MORC2: variants seen among roughly 807,000 people sequenced by gnomAD.
MORC2 encodes the protein ATPase MORC2.
MORC2 carries 30 observed loss-of-function variants against 136.0 expected under a neutral mutation model. That is an observed-to-expected ratio of 0.22 (90% CI 0.17 to 0.30). MORC2 has a LOEUF of 0.30. MORC2 is among the 10% of genes least tolerant of loss of function. The pLI is 1.00. For synonymous variants in MORC2, 439 were observed against 487.0 expected, an observed-to-expected ratio of 0.90 and a Z score of 1.30; for missense variants, 922 against 1,333.1, an observed-to-expected ratio of 0.69 and a Z score of 4.80.
intron 3 of MORC2, among the ~76,000 whole-genome samples, chr22:30,955,376 G>C (rs538980681): frequency 1.3e-5 from 2 of 152,228 alleles, no homozygotes; most frequent in East Asian, 1.9e-4. Context: ...AGAGCCTTTT[G>C]AACAAAAGGC....
At chr22:30,939,249 C>T (rs974758406) in intron 12 of MORC2, among the ~76,000 whole-genome samples, 1 of 151,954 alleles carries the variant, frequency 6.6e-6, no homozygotes, top group Non-Finnish European at 1.5e-5. Context: ...AAAATAGGGT[C>T]GTATCACCAG....
rs1024076205 is a variant in MORC2, at chr22:30,933,455, C to A, written c.2380+11G>T. The A allele has an allele frequency of 1.9e-6, 3 of 1,613,572 alleles. No individual in the cohort carries two copies. The South Asian group carries it at 3.3e-5, about 18-fold the overall frequency. ...CCCGCCACAGGCTGCCAAGTCACTC[C>A]CCCAGCTCACCTTTCTGAGCTCTCT... On this transcript the variant is annotated intron_variant, in intron 21 of 25. Transcript: ENST00000397641.
In MORC2 at chr22:30,941,599, A is replaced by G; in HGVS notation, c.699-41T>C. ...ACAGAGAAGTGCTGTCACCTGCTCC[A>G]CAACAGGCCTGACCAAGGGCACAAC... is the stretch of plus-strand genomic sequence containing the variant. On this transcript the variant is annotated intron_variant, in intron 8 of 25. Coordinates refer to ENST00000397641, the MANE Select transcript of MORC2 (RefSeq NM_001303256.3). This position sits in a 1 kb window ranked among gnomAD's most constrained non-coding sequence, Gnocchi z 4.6. The G allele has an allele frequency of 6.3e-7, 1 of 1,598,756 alleles. No homozygotes were observed. Among genetic ancestry groups the G allele is most frequent in the Non-Finnish European group, 8.6e-7 (1 of 1,169,090 alleles).
intron 17 of MORC2, among the ~76,000 whole-genome samples, chr22:30,935,742 T>C (rs2040643106): frequency 6.6e-6 from 1 of 152,046 alleles, no homozygotes; most frequent in Non-Finnish European, 1.5e-5. Flanking sequence ...GGTTGTGTAC[T>C]AAATATGATA....
At chr22:30,944,643 C>G (rs2040790817) in intron 6 of MORC2, among the ~76,000 whole-genome samples, 1 of 152,124 alleles carries the variant, frequency 6.6e-6, no homozygotes, top group South Asian at 2.1e-4. Flanking sequence ...ACACTCTTCC[C>G]CTCCATACTT....
intron 3 of MORC2, among the ~76,000 whole-genome samples, chr22:30,955,411 G>A (rs986185430): frequency 5.3e-5 from 8 of 152,192 alleles, no homozygotes; most frequent in African/African-American, 1.9e-4. Flanking sequence ...CAGTACAGCT[G>A]ACTTTTAGCT....
Position 30,940,768 on chromosome 22 carries a change from T to C in MORC2, c.894A>G (p.Val298=), listed in dbSNP as rs562612569. 4.2e-4 allele frequency: 681 copies of C among 1,614,132 alleles called. 8 individuals are homozygous for C. In the South Asian group the frequency reaches 6.8e-3, roughly 16 times the overall value. The change falls in exon 10 of 26, where the codon GTA becomes GTG. Residue 298 remains valine (V), a synonymous_variant. Coordinates refer to ENST00000397641, the MANE Select transcript of MORC2 (RefSeq NM_001303256.3). ...CCAGAGTGGCATTACCAATCCTTGCTACGTGCTCTGCTTTCTTCACCTCCT... is the reference window on the plus strand; with the variant it reads ...CCAGAGTGGCATTACCAATCCTTGCCACGTGCTCTGCTTTCTTCACCTCCT... ...AEQEVKKAEH[V]ARIAEEKARE...
At chr22:30,958,739 T>C in intron 1 of MORC2, 45 bp from the exon 2 acceptor site, 1 of 1,416,156 alleles carries the variant, frequency 7.1e-7, no homozygotes, top group Non-Finnish European at 9.7e-7. Flanking sequence ...TTATTGAAGT[T>C]ATAATTCCTA....
chr22:30,968,097 G>A lies in MORC2; in HGVS notation c.-208C>T, dbSNP rs1420379396. On this transcript the variant is annotated 5_prime_UTR_variant, in exon 1 of 26. Transcript: ENST00000397641. Reference sequence around the variant, plus strand: ...AGTGTTTTTTTTTAATCTTCTCAATGATTTATGATGTAATATTTTGGAAGG... The same window carrying A: ...AGTGTTTTTTTTTAATCTTCTCAATAATTTATGATGTAATATTTTGGAAGG... The A allele has an allele frequency of 1.9e-6, 1 of 536,646 alleles. No homozygotes were observed. The highest frequency in any genetic ancestry group is 3.3e-6 in the Non-Finnish European group (1 of 301,122). 33.2% of individuals were successfully genotyped at this position (536,646 alleles called of 1,614,324 possible).
chr22:30,967,509 C>G, intron 1 of MORC2: 2 of 1,142,764 alleles, frequency 1.8e-6, no homozygotes, highest in Non-Finnish European at 2.2e-6. Flanking sequence ...TTTGGCGATC[C>G]AATAGAGCAG....
Position 30,937,500 on chromosome 22 carries a change from G to A in MORC2, c.1498+83C>T. 1 of 1,558,006 alleles carries A rather than the reference G, an allele frequency of 6.4e-7. No homozygotes were observed. Among genetic ancestry groups the A allele is most frequent in the Non-Finnish European group, 8.7e-7 (1 of 1,152,516 alleles). On this transcript the variant is annotated intron_variant, in intron 15 of 25. Transcript: ENST00000397641. The surrounding 1 kb of genome is among the most constrained non-coding windows in gnomAD (Gnocchi z 4.7). Reference sequence around the variant, plus strand: ...CTGTAAGTCCATGAATGTCAGTCAAGTTAGGAGGCTGGCAGGAAGATAGAG... The same window carrying A: ...CTGTAAGTCCATGAATGTCAGTCAAATTAGGAGGCTGGCAGGAAGATAGAG...
At position 30,967,878 on chromosome 22, in the gene MORC2, T is replaced by C; in HGVS notation, c.12A>G (p.Thr4=). MAF[T]NYSSLNRAQL... The stretch of plus-strand genomic sequence containing the variant: ...GAGCTCGATTCAGACTGCTGTAATT[T>C]GTGAAAGCCATGACTGCAATAAGGT... The change falls in exon 1 of 26, where the codon ACA becomes ACG. Residue 4 remains threonine (T), a synonymous_variant. Transcript: ENST00000397641. 2 of 1,550,950 alleles carry C rather than the reference T, an allele frequency of 1.3e-6. No individual in the cohort carries two copies. Among genetic ancestry groups the C allele is most frequent in the Non-Finnish European group, 8.7e-7 (1 of 1,146,864 alleles).
chr22:30,936,348 G>C lies in MORC2; in HGVS notation c.1737+163C>G, dbSNP rs548132255. Among the ~76,000 whole-genome samples the C allele has an allele frequency of 8.5e-5, 13 of 152,286 alleles. No individual in the cohort carries two copies. In the East Asian group the frequency reaches 2.3e-3, roughly 27 times the overall value. On this transcript the variant is annotated intron_variant, in intron 17 of 25. Coordinates refer to ENST00000397641, the MANE Select transcript of MORC2 (RefSeq NM_001303256.3). ...CTTAAAATAACACTGTTGGCAAATA[G>C]TACACGTGGACCTGGAGGTTGGGGT...
chr22:30,935,204 T>C lies in MORC2; in HGVS notation c.1813-43A>G, dbSNP rs747657939. ...GAGAGTGAGAACACTGATCCTAGCA[T>C]GAGACACCTGAGGAAAAGCCCTTCC... On this transcript the variant is annotated intron_variant, in intron 18 of 25. Transcript: ENST00000397641. 1.9e-6 allele frequency: 3 copies of C among 1,612,364 alleles called. No homozygotes were observed. The Admixed American group carries it at 5.0e-5, about 27-fold the overall frequency.
intron 1 of MORC2, among the ~76,000 whole-genome samples, chr22:30,963,617 C>T (rs947877379): frequency 2.6e-5 from 4 of 151,738 alleles, no homozygotes; most frequent in Non-Finnish European, 5.9e-5. Context: ...AACTCCTGGC[C>T]TCAAGTGATC....
intron 3 of MORC2, among the ~76,000 whole-genome samples, chr22:30,952,470 T>C (rs996348305): frequency 2.6e-5 from 4 of 152,252 alleles, no homozygotes; most frequent in Non-Finnish European, 5.9e-5. Context: ...GTGGGGCTGG[T>C]ATCCTTTTCT....
At position 30,946,322 on chromosome 22, in the gene MORC2, C is replaced by A; in HGVS notation, c.426+19G>T. The A allele has an allele frequency of 6.3e-7, 1 of 1,588,112 alleles. No homozygotes were observed. Among genetic ancestry groups the A allele is most frequent in the Non-Finnish European group, 8.6e-7 (1 of 1,162,382 alleles). ...AGGAAATGAGGACTGGTGATGCAGACCACGATGATGGGACCTACTTCATCA... is the reference window on the plus strand; with the variant it reads ...AGGAAATGAGGACTGGTGATGCAGAACACGATGATGGGACCTACTTCATCA... On this transcript the variant is annotated intron_variant, in intron 6 of 25. Transcript: ENST00000397641.
Position 30,932,534 on chromosome 22 carries a change from G to A in MORC2, c.2747+11C>T. ...CTGGCCCTGGGGTGGGAAGACAAAA[G>A]ACACATGTACCGGAGGATCTGGACA... On this transcript the variant is annotated intron_variant, in intron 23 of 25. Transcript: ENST00000397641. This position sits in a 1 kb window ranked among gnomAD's most constrained non-coding sequence, Gnocchi z 4.4. The A allele has an allele frequency of 1.2e-6, 2 of 1,613,872 alleles. No homozygotes were observed. Among genetic ancestry groups the A allele is most frequent in the Non-Finnish European group, 1.7e-6 (2 of 1,179,848 alleles).
intron 1 of MORC2, chr22:30,963,325 G>A: frequency 2.0e-6 from 2 of 983,508 alleles, no homozygotes; most frequent in African/African-American, 1.8e-5. Flanking sequence ...TGTGATCCAA[G>A]AAAGGTGAAC....
Sources: allele counts gnomAD v4.1 joint callset (sites outside exome capture counted in the v4.1 genomes callset), GRCh38; gene constraint gnomAD v4.1.1; non-coding constraint Gnocchi (gnomAD v3.1); transcripts MANE v1.5; gene names NCBI Gene and HGNC (gene_info 2026-07-23, HGNC 2026-07-21).